Variants in DENND4A observed in about 807,000 individuals in gnomAD.
DENND4A encodes the protein DENN domain containing 4A, also known as C-myc promoter-binding protein.
DENND4A carries 70 observed loss-of-function variants against 199.3 expected under a neutral mutation model. That is an observed-to-expected ratio of 0.35 (90% confidence interval 0.29 to 0.43). The LOEUF is 0.43. Among genes scored for constraint, DENND4A ranks in the 20% least tolerant of loss-of-function variants. DENND4A has a pLI of 1.00. For missense variants in DENND4A, 1,723 were observed against 2,255.8 expected (o/e 0.76, Z 4.78); for synonymous variants, 686 against 766.9 (o/e 0.89, Z 1.74).
At chr15:65,689,298 G>A (rs557929076) in intron 23 of DENND4A, among the ~76,000 whole-genome samples, 11 of 152,026 alleles carry the variant, frequency 7.2e-5, no homozygotes, top group Admixed American at 5.9e-4. Context: ...CAAACATCTG[G>A]ATCACTTGAG....
intron 20 of DENND4A, among the ~76,000 whole-genome samples, chr15:65,699,148 G>A (rs1255326612): frequency 6.6e-6 from 1 of 151,898 alleles, no homozygotes; most frequent in East Asian, 1.9e-4. Flanking sequence ...GCATAATCAA[G>A]GAATAAAATC....
chr15:65,700,805 T>G (rs1017403679), intron 19 of DENND4A, 130 bp from the exon 20 acceptor site: 2 of 1,031,120 alleles, frequency 1.9e-6, no homozygotes, highest in African/African-American at 3.3e-5. Flanking sequence ...AAAATACAAC[T>G]ATAACAAAGA....
At chr15:65,765,159 C>G (rs2076950370) in intron 1 of DENND4A, among the ~76,000 whole-genome samples, 2 of 152,098 alleles carry the variant, frequency 1.3e-5, no homozygotes, top group South Asian at 2.1e-4. Flanking sequence ...GAAGATGAGG[C>G]TGACACAAAA....
intron 1 of DENND4A, among the ~76,000 whole-genome samples, chr15:65,781,772 A>C (rs2077442139): frequency 6.6e-6 from 1 of 152,188 alleles, no homozygotes; most frequent in South Asian, 2.1e-4. Flanking sequence ...CTGGGGAGTA[A>C]TGGGTAGATA....
Position 65,702,892 on chromosome 15 carries a change from A to C in DENND4A, c.2204T>G (p.Met735Arg). 6.2e-7 allele frequency: 1 copy of C among 1,612,578 alleles called. No homozygotes were observed. Among genetic ancestry groups the C allele is most frequent in the Non-Finnish European group, 8.5e-7 (1 of 1,179,274 alleles). The change falls in exon 16 of 33, where the codon ATG becomes AGG. Residue 735 changes from methionine to arginine, a missense_variant. Transcript: ENST00000443035. ...KSSSPNSPLPMFRRTKQEIKS... is the reference protein window; with the variant it reads ...KSSSPNSPLPRFRRTKQEIKS... ...AAGTACCTGTTTTGTTCTTCTGAAC[A>C]TGGGCAAAGGGCTATTAGGACTACT...
chr15:65,767,004 G>A (rs777832291), intron 1 of DENND4A, among the ~76,000 whole-genome samples: 22 of 152,218 alleles, frequency 1.4e-4, no homozygotes, highest in Non-Finnish European at 2.5e-4. Context: ...AAATAACAGT[G>A]TTAATATACA....
intron 11 of DENND4A, among the ~76,000 whole-genome samples, chr15:65,725,675 T>A (rs1476824202): frequency 9.7e-6 from 1 of 103,188 alleles, no homozygotes; most frequent in African/African-American, 4.4e-5. Context: ...AGACTCTGTC[T>A]CAAAAAATAA....
intron 15 of DENND4A, 64 bp downstream of exon 15, chr15:65,706,027 A>G: frequency 2.8e-6 from 4 of 1,418,308 alleles, no homozygotes; most frequent in Non-Finnish European, 3.7e-6. Context: ...GTCCTTAGAA[A>G]GCTACGTCAC....
At chr15:65,720,947 T>TATATATATATATATATA (rs1555425654) in intron 12 of DENND4A, among the ~76,000 whole-genome samples, 1 of 76,234 alleles carries the variant, frequency 1.3e-5, no homozygotes, top group African/African-American at 5.3e-5. Context: ...GTTTCATTGA[T>TATATATATATATATATA]TATATATATA....
At chr15:65,791,597 C>T (rs755166976) in intron 1 of DENND4A, among the ~76,000 whole-genome samples, 38 of 152,120 alleles carry the variant, frequency 2.5e-4, no homozygotes, top group Admixed American at 5.9e-4. Context: ...CCCGGGCTCC[C>T]CCCGCCGCCT....
intron 29 of DENND4A, among the ~76,000 whole-genome samples, chr15:65,665,834 T>C (rs1338124736): frequency 6.6e-6 from 1 of 152,198 alleles, no homozygotes; most frequent in Non-Finnish European, 1.5e-5. Context: ...TCATGTATGA[T>C]GTACTGAAAA....
At chr15:65,757,022 A>C (rs1047849794) in intron 2 of DENND4A, among the ~76,000 whole-genome samples, 6 of 152,164 alleles carry the variant, frequency 3.9e-5, no homozygotes, top group African/African-American at 1.4e-4. Flanking sequence ...GGGTAAAAAG[A>C]GTGAAACTCC....
chr15:65,729,692 C>A lies in DENND4A; in HGVS notation c.1167-14G>T. ...AACTTGCCACCACTGTCAATCCAAA[C>A]AAAAATATATAATTAAAAAATAATG... is the stretch of plus-strand genomic sequence containing the variant. On this transcript the variant is annotated splice_polypyrimidine_tract_variant and intron_variant, in intron 9 of 32. Coordinates refer to ENST00000443035, the MANE Select transcript of DENND4A (RefSeq NM_001320835.1). 1 of 1,539,374 alleles carries A rather than the reference C, an allele frequency of 6.5e-7. No homozygotes were observed. Among genetic ancestry groups the A allele is most frequent in the Admixed American group, 2.1e-5 (1 of 48,160 alleles).
chr15:65,788,089 T>A (rs970925633), intron 1 of DENND4A, among the ~76,000 whole-genome samples: 45 of 152,090 alleles, frequency 3.0e-4, no homozygotes, highest in African/African-American at 4.3e-4. Context: ...TTATTTTTTT[T>A]TTTTTGAGAC....
chr15:65,685,857 C>G (rs1006483455), intron 23 of DENND4A, among the ~76,000 whole-genome samples: 1 of 152,176 alleles, frequency 6.6e-6, no homozygotes, highest in South Asian at 2.1e-4. Flanking sequence ...GAGTTTATTT[C>G]TGGAGTCTAA....
intron 1 of DENND4A, among the ~76,000 whole-genome samples, chr15:65,762,740 G>C (rs1199201053): frequency 6.6e-6 from 1 of 152,190 alleles, no homozygotes; most frequent in Non-Finnish European, 1.5e-5. Context: ...AGATAATCTA[G>C]AGGTGATTTA....
At position 65,661,768 on chromosome 15, in the gene DENND4A, GA is replaced by G; in HGVS notation, c.*82del. 8.1e-7 allele frequency: 1 copy of G among 1,237,118 alleles called. No individual in the cohort carries two copies. The highest frequency in any genetic ancestry group is 1.1e-6 in the Non-Finnish European group (1 of 922,182). 76.6% of individuals were successfully genotyped at this position (1,237,118 alleles called of 1,614,324 possible). A position where few individuals can be genotyped will look rare whatever the true frequency, so the allele number is the denominator to read the frequency against. Reference sequence around the variant, plus strand: ...ACAAATTGTATTTTCAAAAATTGAAGAAAAAATATTTAGAGTCTAAAAGTGT... The same window carrying G: ...ACAAATTGTATTTTCAAAAATTGAAGAAAAATATTTAGAGTCTAAAAGTGT... On this transcript the variant is annotated 3_prime_UTR_variant, in exon 33 of 33. Coordinates refer to ENST00000443035, the MANE Select transcript of DENND4A (RefSeq NM_001320835.1).
intron 32 of DENND4A, among the ~76,000 whole-genome samples, chr15:65,663,219 T>A (rs1275205603): frequency 7.5e-5 from 11 of 147,354 alleles, no homozygotes; most frequent in Middle Eastern, 3.6e-3. Context: ...TTTATTTTTT[T>A]TTTTGGTTAG....
At chr15:65,768,090 C>G (rs978694490) in intron 1 of DENND4A, among the ~76,000 whole-genome samples, 49 of 152,122 alleles carry the variant, frequency 3.2e-4, no homozygotes, top group Non-Finnish European at 5.9e-5. Flanking sequence ...CATGGCTCAC[C>G]TCAAGTGATC....
Sources: gnomAD v4.1 joint callset for allele counts (sites outside exome capture counted in the v4.1 genomes callset) on GRCh38, gnomAD v4.1.1 for gene constraint, MANE v1.5 for transcripts, NCBI Gene and HGNC (gene_info 2026-07-23, HGNC 2026-07-21) for gene names.